Variants in ZRANB1 observed in about 807,000 individuals in gnomAD.
ZRANB1 encodes ubiquitin thioesterase ZRANB1.
In ZRANB1, 16 loss-of-function variants were observed where a neutral mutation model predicts 80.5. The ratio of observed to expected loss-of-function variants is 0.20; its 90% CI spans 0.13 to 0.30. ZRANB1 has a LOEUF of 0.30. ZRANB1 is among the 10% of genes least tolerant of loss of function. The pLI is 1.00. For synonymous variants in ZRANB1, 291 were observed against 293.1 expected (o/e 0.99, Z 0.07); for missense variants, 576 against 862.6 (o/e 0.67, Z 4.16).
At chr10:124,925,506 C>G in the ZRANB1 span, among the ~76,000 whole-genome samples, 1 of 152,140 alleles carries the variant, frequency 6.6e-6, no homozygotes, top group Non-Finnish European at 1.5e-5. Flanking sequence ...CAATTCCCTT[C>G]CTGTATTTGC....
At chr10:124,963,303 C>T (rs1951749267) in intron 1 of ZRANB1, among the ~76,000 whole-genome samples, 1 of 147,810 alleles carries the variant, frequency 6.8e-6, no homozygotes, top group South Asian at 2.1e-4. Context: ...TTCAGTTACT[C>T]TTGGAGGCAT....
intron 1 of ZRANB1, among the ~76,000 whole-genome samples, chr10:124,949,496 TAC>T (rs71964464): frequency 0.22 from 28,859 of 129,004 alleles, 4,866 homozygotes; most frequent in African/African-American, 0.42. Flanking sequence ...TATTCACGTA[TAC>T]ACACACACAC....
At chr10:124,976,588 T>C (rs1233055155) in intron 5 of ZRANB1, among the ~76,000 whole-genome samples, 1 of 44,846 alleles carries the variant, frequency 2.2e-5, no homozygotes, top group Non-Finnish European at 5.3e-5. Context: ...TTTTTTTTTT[T>C]TGAGGCAGAG....
chr10:124,928,458 A>G, the ZRANB1 span, among the ~76,000 whole-genome samples: 540 of 152,252 alleles, frequency 3.5e-3, 2 homozygotes, highest in African/African-American at 0.012. Flanking sequence ...TTGGGAAGAT[A>G]TGTCAGGGAT....
At chr10:124,981,627 A>G in intron 5 of ZRANB1, 82 bp from the exon 6 acceptor site, 1 of 1,285,538 alleles carries the variant, frequency 7.8e-7, no homozygotes, top group Non-Finnish European at 1.1e-6. Context: ...TAAAGACTGC[A>G]TTAAATAAAA....
rs1010078172 is a variant in ZRANB1, at chr10:124,943,066, T to C, written c.573T>C (p.Ala191=). Residue 191 remains alanine, a synonymous_variant, in exon 1 of 9, where the codon GCT becomes GCC. Coordinates refer to ENST00000359653, the MANE Select transcript of ZRANB1 (RefSeq NM_017580.3). ...TAGAATTGGCAGAGACTGAAGAGGC[T>C]TCTTCAATAATAAATGAGCAAGACA... The part of the protein sequence containing the change: ...EAIELAETEE[A]SSIINEQDRA... 1.2e-6 allele frequency: 2 copies of C among 1,614,076 alleles called. No individual in the cohort carries two copies. Among genetic ancestry groups the C allele is most frequent in the Non-Finnish European group, 1.7e-6 (2 of 1,180,042 alleles).
chr10:124,944,541 A>G (rs530664105), intron 1 of ZRANB1, among the ~76,000 whole-genome samples: 2 of 121,956 alleles, frequency 1.6e-5, no homozygotes, highest in Admixed American at 2.3e-4. Context: ...GCTAGAGGGC[A>G]GTGATGCAAT....
upstream of ZRANB1, among the ~76,000 whole-genome samples, chr10:124,937,707 A>G (rs2134235050): frequency 1.3e-5 from 2 of 152,324 alleles, no homozygotes; most frequent in South Asian, 4.1e-4. Flanking sequence ...ATATTTCTGC[A>G]CTTTTATTAT....
At chr10:124,949,670 T>C (rs902853488) in intron 1 of ZRANB1, among the ~76,000 whole-genome samples, 1 of 151,936 alleles carries the variant, frequency 6.6e-6, no homozygotes, top group Non-Finnish European at 1.5e-5. Context: ...TACAGGTGTA[T>C]ACCACCATGC....
At chr10:124,928,357 G>T in the ZRANB1 span, among the ~76,000 whole-genome samples, 1 of 152,194 alleles carries the variant, frequency 6.6e-6, no homozygotes, top group African/African-American at 2.4e-5. Flanking sequence ...GGAATTAGAA[G>T]GGAGGAGTGA....
In ZRANB1 at chr10:124,983,369, G is replaced by A. The variant is rs1401563447; in HGVS notation, c.1678+65G>A. On this transcript the variant is annotated intron_variant, in intron 7 of 8. Transcript: ENST00000359653. This position sits in a 1 kb window ranked among gnomAD's most constrained non-coding sequence, Gnocchi z 6.2. ...ACGGAATGGCTCAGATGTCAGGAAG[G>A]AGCAGTGGACAGGGGAATGTGAACA... The A allele has an allele frequency of 4.4e-6, 7 of 1,600,828 alleles. No homozygotes were observed. The highest frequency in any genetic ancestry group is 6.0e-6 in the Non-Finnish European group (7 of 1,171,912).
rs757047525 is a variant in ZRANB1, at chr10:124,976,171, C to A, written c.1427+1773C>A. 2.0e-5 allele frequency among the ~76,000 whole-genome samples: 3 copies of A among 152,166 alleles called. 1 individual carries two copies. In the South Asian group the frequency reaches 6.2e-4, roughly 32 times the overall value. ...TAGTAATTGTCCTGGAGAGAGGGCT[C>A]TTTTGTGCCTCTTAGTGGAGATGGC... On this transcript the variant is annotated intron_variant, in intron 5 of 8. Coordinates refer to ENST00000359653, the MANE Select transcript of ZRANB1 (RefSeq NM_017580.3).
rs1445248907 is a variant in ZRANB1 at position 124,985,276 on chromosome 10, T to C, written c.*284T>C. On this transcript the variant is annotated 3_prime_UTR_variant, in exon 9 of 9. Coordinates refer to ENST00000359653, the MANE Select transcript of ZRANB1 (RefSeq NM_017580.3). ...TAAATCTGTCTATAAATGTAACGCA[T>C]GTGGTTGTGTAAGACATTGTTTAAT... 3.3e-6 allele frequency: 1 copy of C among 307,636 alleles called. No individual in the cohort carries two copies. The highest frequency in any genetic ancestry group is 6.0e-6 in the Non-Finnish European group (1 of 167,250). 19.1% of individuals were successfully genotyped at this position (307,636 alleles called of 1,614,324 possible).
intron 1 of ZRANB1, chr10:124,945,408 C>CCTTTTT (rs1951571849): frequency 1.7e-5 from 1 of 60,036 alleles, no homozygotes; most frequent in African/African-American, 8.0e-5. Context: ...GTCTTAAAAT[C>CCTTTTT]ATTTTTTTTT....
At chr10:124,970,770 T>A (rs1394036626) in intron 2 of ZRANB1, among the ~76,000 whole-genome samples, 6 of 151,304 alleles carry the variant, frequency 4.0e-5, no homozygotes, top group African/African-American at 1.2e-4. Flanking sequence ...TTTGGGATAA[T>A]CGTCCAGGTT....
At chr10:124,923,892 CAG>C in the ZRANB1 span, among the ~76,000 whole-genome samples, 1 of 151,602 alleles carries the variant, frequency 6.6e-6, no homozygotes, top group South Asian at 2.1e-4. Flanking sequence ...GGTGGGGACA[CAG>C]AGCCAAACCA....
At chr10:124,969,542 CTG>C (rs746469224) in intron 2 of ZRANB1, among the ~76,000 whole-genome samples, 9 of 152,140 alleles carry the variant, frequency 5.9e-5, no homozygotes, top group Admixed American at 1.3e-4. Context: ...TCATCGGTTT[CTG>C]TGTCATGGAC....
chr10:124,978,479 T>C (rs2133992651), intron 5 of ZRANB1, among the ~76,000 whole-genome samples: 1 of 152,338 alleles, frequency 6.6e-6, no homozygotes, highest in African/African-American at 2.4e-5. Context: ...TTCTCTTGGA[T>C]ACCCGTGATT....
At chr10:124,981,939 C>T in intron 6 of ZRANB1, 110 bp downstream of exon 6, 1 of 1,353,476 alleles carries the variant, frequency 7.4e-7, no homozygotes. Flanking sequence ...GAAAAGAATG[C>T]TTGACGTGGT....
Sources: allele counts gnomAD v4.1 joint callset (sites outside exome capture counted in the v4.1 genomes callset), GRCh38; gene constraint gnomAD v4.1.1; non-coding constraint Gnocchi (gnomAD v3.1); transcripts MANE v1.5; gene names NCBI Gene and HGNC (gene_info 2026-07-23, HGNC 2026-07-21).